The following UNC5A variants were observed in gnomAD, a reference collection of about 807,000 sequenced individuals.
UNC5A encodes the protein unc-5 netrin receptor A.
Under a neutral mutation model 87.4 loss-of-function variants are expected in UNC5A, and 20 were observed. The observed-to-expected ratio is 0.23, with a 90% CI of 0.16 to 0.33. The LOEUF (loss-of-function observed/expected upper bound fraction) is 0.33. UNC5A is among the 10% of genes least tolerant of loss of function. The pLI, the probability that UNC5A is intolerant of heterozygous loss-of-function variation, is 1.00. For missense variants in UNC5A, 844 were observed against 1,133.4 expected (o/e 0.74, Z 3.67); for synonymous variants, 438 against 482.3 (o/e 0.91, Z 1.20).
At chr5:176,870,769 C>A (rs1581275238) in intron 6 of UNC5A, among the ~76,000 whole-genome samples, 1 of 152,140 alleles carries the variant, frequency 6.6e-6, no homozygotes, top group East Asian at 1.9e-4. Flanking sequence ...TTCATGCACA[C>A]CCATTGCCCA....
intron 1 of UNC5A, among the ~76,000 whole-genome samples, chr5:176,830,612 G>C (rs1756981142): frequency 1.4e-5 from 2 of 147,144 alleles, no homozygotes; most frequent in South Asian, 4.4e-4. Context: ...TGGTGTGTGT[G>C]TGCGCTGGCG....
rs999117252 is a variant in UNC5A, at chr5:176,844,815, T to G, written c.71-17809T>G. On this transcript the variant is annotated intron_variant, in intron 1 of 14. Transcript: ENST00000329542. This position sits in a 1 kb window ranked among gnomAD's most constrained non-coding sequence, Gnocchi z 4.2. The stretch of plus-strand genomic sequence containing the variant: ...GAGACCCCTCTCCACCCTCCAGCAC[T>G]GCTTGCAGTGGATCGTGGAAGTCGG... 2.0e-5 allele frequency among the ~76,000 whole-genome samples: 3 copies of G among 152,110 alleles called. No individual in the cohort carries two copies. The highest frequency in any genetic ancestry group is 6.5e-5 in the Admixed American group (1 of 15,298).
At chr5:176,851,571 C>T (rs1277421954) in intron 1 of UNC5A, among the ~76,000 whole-genome samples, 1 of 152,242 alleles carries the variant, frequency 6.6e-6, no homozygotes, top group Non-Finnish European at 1.5e-5. Context: ...CCACGCTGTT[C>T]ATCATCCCCG....
chr5:176,867,359 G>A (rs1409085011), intron 2 of UNC5A, among the ~76,000 whole-genome samples: 7 of 152,162 alleles, frequency 4.6e-5, no homozygotes, highest in Non-Finnish European at 1.0e-4. Flanking sequence ...CTGGAGCGGA[G>A]TCCCCCCAGC....
chr5:176,836,875 T>A (rs1757158294), intron 1 of UNC5A, among the ~76,000 whole-genome samples: 1 of 152,158 alleles, frequency 6.6e-6, no homozygotes, highest in East Asian at 1.9e-4. Context: ...TTTAGATAAG[T>A]TCATGGATGG....
chr5:176,818,831 AC>A (rs1439969275), intron 1 of UNC5A, among the ~76,000 whole-genome samples: 4 of 151,938 alleles, frequency 2.6e-5, no homozygotes, highest in Non-Finnish European at 4.4e-5. Context: ...CTGCCTCCTG[AC>A]CCCACCTAGT....
intron 1 of UNC5A, among the ~76,000 whole-genome samples, chr5:176,843,944 C>T (rs550066378): frequency 2.6e-5 from 4 of 152,372 alleles, no homozygotes; most frequent in South Asian, 2.1e-4. Flanking sequence ...TCGTGTGAGG[C>T]GCTCAGCGAC....
At chr5:176,846,855 G>A (rs1256390913) in intron 1 of UNC5A, among the ~76,000 whole-genome samples, 1 of 152,226 alleles carries the variant, frequency 6.6e-6, no homozygotes, top group East Asian at 1.9e-4. Flanking sequence ...AATTGGCCCA[G>A]AAGGAGGTCA....
Position 176,878,577 on chromosome 5 carries a change from C to G in UNC5A, c.2122C>G (p.Leu708Val), listed in dbSNP as rs762592312. 2.5e-6 allele frequency: 4 copies of G among 1,613,090 alleles called. No individual in the cohort carries two copies. Among genetic ancestry groups the G allele is most frequent in the Non-Finnish European group, 3.4e-6 (4 of 1,179,974 alleles). ...CAGCACTAGTGACCTGGCCTGCAAG[C>G]TGTGGGTGTGGCAGGTGGAGGGCGA... ...SPSTSDLACK[L>V]WVWQVEGDGQ... The change falls in exon 13 of 15, where the codon CTG becomes GTG. Residue 708 changes from leucine (L) to valine (V), a missense_variant. By Grantham distance (32) the Leu-to-Val change is conservative (BLOSUM62 1). Around this residue, in one of 3 missense-constraint regions of UNC5A, gnomAD observed 177 missense variants for 279.4 expected, o/e 0.63. Transcript: ENST00000329542.
chr5:176,851,612 G>T (rs1369698828), intron 1 of UNC5A, among the ~76,000 whole-genome samples: 1 of 152,240 alleles, frequency 6.6e-6, no homozygotes, highest in Non-Finnish European at 1.5e-5. Flanking sequence ...TGGGGGCGGG[G>T]CTGGCCATGG....
At chr5:176,876,871 G>T (rs1758273816) in intron 8 of UNC5A, among the ~76,000 whole-genome samples, 1 of 152,188 alleles carries the variant, frequency 6.6e-6, no homozygotes, top group South Asian at 2.1e-4. Flanking sequence ...TTTAAGCAAG[G>T]GATACCCTGG....
rs534660158 is a variant in UNC5A at position 176,810,880 on chromosome 5, G to C, written c.70+60G>C. 7.4e-5 allele frequency: 88 copies of C among 1,192,814 alleles called. No individual in the cohort carries two copies. The South Asian group carries it at 2.6e-3, about 35-fold the overall frequency. The allele number at this position is 1,192,814 out of a possible 1,614,324, so 73.9% of individuals were successfully genotyped here. ...CGGGGGACCGTGCGCGCGAACGCTC[G>C]CTGCTCTGGGGGTCCCTGACCAGCG... On this transcript the variant is annotated intron_variant, in intron 1 of 14. Coordinates refer to ENST00000329542, the MANE Select transcript of UNC5A (RefSeq NM_133369.3). The surrounding 1 kb of genome is among the most constrained non-coding windows in gnomAD (Gnocchi z 7.3).
rs182339789 is a variant in UNC5A at position 176,830,516 on chromosome 5, A to G, written c.70+19696A>G. The stretch of plus-strand genomic sequence containing the variant: ...TATGTGTGTGCTGCTGTGTGCTGGC[A>G]TGTGTGTGTGTGGGTGTTGGTGTGT... On this transcript the variant is annotated intron_variant, in intron 1 of 14. Transcript: ENST00000329542. Among the ~76,000 whole-genome samples the G allele has an allele frequency of 4.8e-3, 565 of 117,140 alleles. 3 individuals carry two copies. The highest frequency in any genetic ancestry group is 6.4e-3 in the Non-Finnish European group (379 of 59,180). The allele number at this position is 117,140 out of a possible 152,430, so 76.8% of individuals were successfully genotyped here.
chr5:176,872,610 T>C (rs544919375), intron 6 of UNC5A, among the ~76,000 whole-genome samples: 64 of 91,404 alleles, frequency 7.0e-4, no homozygotes, highest in South Asian at 1.3e-3. Context: ...TTCCCATCTG[T>C]CCACGCTCAC....
rs775019320 is a variant in UNC5A at position 176,866,523 on chromosome 5, C to T, written c.293-1607C>T. 2.0e-4 allele frequency among the ~76,000 whole-genome samples: 31 copies of T among 152,282 alleles called. No homozygotes were observed. The highest frequency in any genetic ancestry group is 3.7e-4 in the Non-Finnish European group (25 of 68,026). On this transcript the variant is annotated intron_variant, in intron 2 of 14. Coordinates refer to ENST00000329542, the MANE Select transcript of UNC5A (RefSeq NM_133369.3). This position sits in a 1 kb window ranked among gnomAD's most constrained non-coding sequence, Gnocchi z 5.0. ...ATGGGTGAGGCTCCTGAAGGAGGGC[C>T]GGGCTCCCCACAGCACCACGGGGGA...
chr5:176,837,143 T>G (rs1757166802), intron 1 of UNC5A, among the ~76,000 whole-genome samples: 1 of 152,082 alleles, frequency 6.6e-6, no homozygotes, highest in South Asian at 2.1e-4. Flanking sequence ...GCTGCTCCCA[T>G]AGCCCCTTTA....
rs557777038 is a variant in UNC5A, at chr5:176,827,738, A to G, written c.70+16918A>G. On this transcript the variant is annotated intron_variant, in intron 1 of 14. Transcript: ENST00000329542. ...AGGAACTGCCAAACTATTTTCCTTA[A>G]CAACTGCACCATTTTACATTCTCAC... Among the ~76,000 whole-genome samples the G allele has an allele frequency of 4.6e-5, 7 of 152,204 alleles. No individual in the cohort carries two copies. The South Asian group carries it at 1.2e-3, about 27-fold the overall frequency.
At chr5:176,879,289 C>T in intron 13 of UNC5A, 21 bp from the exon 14 acceptor site, 2 of 1,566,322 alleles carry the variant, frequency 1.3e-6, no homozygotes, top group South Asian at 2.4e-5. Context: ...TAACAGGCAC[C>T]TCTTTCCCTC....
At chr5:176,852,206 C>A (rs1357073050) in intron 1 of UNC5A, among the ~76,000 whole-genome samples, 6 of 152,132 alleles carry the variant, frequency 3.9e-5, no homozygotes, top group Non-Finnish European at 8.8e-5. Context: ...GGGCCGGCCA[C>A]CTGCCTCTGC....
Sources: allele counts gnomAD v4.1 joint callset (sites outside exome capture counted in the v4.1 genomes callset), GRCh38; gene constraint gnomAD v4.1.1; regional missense constraint gnomAD v4.1.1; non-coding constraint Gnocchi (gnomAD v3.1); transcripts MANE v1.5; gene names NCBI Gene and HGNC (gene_info 2026-07-23, HGNC 2026-07-21).